Variants in TRIM51G observed in about 807,000 individuals in gnomAD.
TRIM51G encodes the protein tripartite motif-containing 51G.
At chr11:48,976,819 A>G in the TRIM51G span, among the ~76,000 whole-genome samples, 3 of 151,958 alleles carry the variant, frequency 2.0e-5, no homozygotes, top group African/African-American at 7.3e-5. Context: ...CATTTATTCA[A>G]TTTTTTATTT....
chr11:48,976,230 A>T, the TRIM51G span, among the ~76,000 whole-genome samples: 1 of 152,172 alleles, frequency 6.6e-6, no homozygotes, highest in African/African-American at 2.4e-5. Flanking sequence ...TTAAAAACTG[A>T]GAGTCGAATA....
the TRIM51G span, among the ~76,000 whole-genome samples, chr11:48,977,405 T>C: frequency 6.6e-6 from 1 of 152,204 alleles, no homozygotes; most frequent in Non-Finnish European, 1.5e-5. Flanking sequence ...TCTTTCTTCG[T>C]ATTGCTCCAA....
chr11:48,980,086 G>A, the TRIM51G span, among the ~76,000 whole-genome samples: 64 of 151,816 alleles, frequency 4.2e-4, 1 homozygote, highest in South Asian at 5.6e-3. Context: ...ATATCTGCAC[G>A]GTGGCCATTT....
the TRIM51G span, among the ~76,000 whole-genome samples, chr11:48,980,439 T>C: frequency 6.6e-6 from 1 of 152,156 alleles, no homozygotes; most frequent in African/African-American, 2.4e-5. Flanking sequence ...AGTTCTGATA[T>C]TTAATTTCAT....
the TRIM51G span, chr11:48,981,781 A>C: frequency 7.1e-7 from 1 of 1,405,072 alleles, no homozygotes; most frequent in Non-Finnish European, 1.0e-6. Context: ...TGATAGCTAT[A>C]TTTTCCTCTT....
chr11:48,977,234 G>T, the TRIM51G span: 1 of 783,028 alleles, frequency 1.3e-6, no homozygotes, highest in Non-Finnish European at 2.3e-6. Context: ...AAATACATAA[G>T]AATCACCACC....
At chr11:48,976,730 A>G in the TRIM51G span, among the ~76,000 whole-genome samples, 1 of 152,170 alleles carries the variant, frequency 6.6e-6, no homozygotes, top group Non-Finnish European at 1.5e-5. Flanking sequence ...TGTTTTTAAC[A>G]ATTCAAATGA....
At chr11:48,980,639 C>A in the TRIM51G span, among the ~76,000 whole-genome samples, 1 of 152,048 alleles carries the variant, frequency 6.6e-6, no homozygotes, top group Non-Finnish European at 1.5e-5. Flanking sequence ...TGTGAAATGG[C>A]CCAGTTTCTT....
the TRIM51G span, chr11:48,975,621 G>A: frequency 1.4e-6 from 2 of 1,401,048 alleles, no homozygotes; most frequent in African/African-American, 1.4e-5. Context: ...CACAATCCAG[G>A]AATAATCCTA....
the TRIM51G span, among the ~76,000 whole-genome samples, chr11:48,979,986 C>A: frequency 1.3e-5 from 2 of 151,832 alleles, no homozygotes; most frequent in Admixed American, 6.6e-5. Flanking sequence ...ACCCTCATCC[C>A]CAGTCCCTGG....
chr11:48,982,166 T>C, the TRIM51G span, among the ~76,000 whole-genome samples: 1 of 151,926 alleles, frequency 6.6e-6, no homozygotes, highest in Non-Finnish European at 1.5e-5. Context: ...GCCGGCTCTT[T>C]AAAACAAAAA....
At chr11:48,976,188 C>G in the TRIM51G span, among the ~76,000 whole-genome samples, 1 of 152,098 alleles carries the variant, frequency 6.6e-6, no homozygotes, top group South Asian at 2.1e-4. Context: ...AAACAATACC[C>G]TAAAAACAGA....
chr11:48,981,241 C>A, the TRIM51G span: 1 of 1,599,038 alleles, frequency 6.3e-7, no homozygotes. Context: ...GACAAGAATT[C>A]CATGTGTCCT....
At chr11:48,978,442 A>G in the TRIM51G span, among the ~76,000 whole-genome samples, 6 of 152,140 alleles carry the variant, frequency 3.9e-5, no homozygotes, top group African/African-American at 1.2e-4. Flanking sequence ...CTACTCAGTC[A>G]TCTTCCCTAA....
the TRIM51G span, among the ~76,000 whole-genome samples, chr11:48,978,385 G>A: frequency 3.3e-5 from 5 of 152,172 alleles, no homozygotes; most frequent in East Asian, 9.7e-4. Context: ...ACAAGTGAAG[G>A]GAGAGGAGGC....
At chr11:48,978,209 A>C in the TRIM51G span, 4 of 530,558 alleles carry the variant, frequency 7.5e-6, no homozygotes, top group Non-Finnish European at 1.5e-5. Flanking sequence ...ATGCATCTTC[A>C]ACTAAGTTCA....
chr11:48,977,288 T>A, the TRIM51G span: 2 of 590,298 alleles, frequency 3.4e-6, no homozygotes, highest in East Asian at 6.5e-5. Context: ...AACCCACACA[T>A]TTGCTAATTC....
the TRIM51G span, among the ~76,000 whole-genome samples, chr11:48,982,743 A>T: frequency 1.3e-5 from 2 of 150,264 alleles, no homozygotes; most frequent in African/African-American, 4.9e-5. Context: ...GTACAGTGTC[A>T]TGTGTAGAGT....
At chr11:48,975,832 T>C in the TRIM51G span, 3 of 1,339,416 alleles carry the variant, frequency 2.2e-6, no homozygotes, top group Non-Finnish European at 3.2e-6. Context: ...AAACTCCCAA[T>C]AAAATTTGCC....
Sources: gnomAD v4.1 joint callset for allele counts (sites outside exome capture counted in the v4.1 genomes callset) on GRCh38, gnomAD v4.1.1 for gene constraint, MANE v1.5 for transcripts, NCBI Gene and HGNC (gene_info 2026-07-23, HGNC 2026-07-21) for gene names.